Variants in GBP7 observed in about 807,000 individuals in gnomAD.
GBP7 encodes guanylate-binding protein 7.
A neutral mutation model predicts 61.3 loss-of-function variants in GBP7; 43 were observed. The observed-to-expected ratio is 0.70, with a 90% CI of 0.55 to 0.91. The LOEUF (loss-of-function observed/expected upper bound fraction) is 0.91, where lower values mean the gene tolerates loss of function less well. GBP7 is among the 40% of genes least tolerant of loss of function. The pLI, the probability that GBP7 is intolerant of heterozygous loss-of-function variation, is 0.00. For missense variants in GBP7, 717 were observed against 740.5 expected, an observed-to-expected ratio of 0.97 and a Z score of 0.37; for synonymous variants, 267 against 271.0, an observed-to-expected ratio of 0.99 and a Z score of 0.14.
intron 8 of GBP7, among the ~76,000 whole-genome samples, chr1:89,142,402 G>A (rs1488086022): frequency 2.0e-5 from 3 of 152,194 alleles, no homozygotes; most frequent in Non-Finnish European, 2.9e-5. Context: ...GTGTGCCACC[G>A]CAGCTGGCTA....
intron 1 of GBP7, 104 bp from the exon 2 acceptor site, chr1:89,172,058 T>A: frequency 1.2e-6 from 1 of 816,100 alleles, no homozygotes; most frequent in Non-Finnish European, 1.9e-6. Context: ...ACATTGTTTC[T>A]TGTGCATTTC....
intron 2 of GBP7, among the ~76,000 whole-genome samples, chr1:89,168,457 A>C (rs1647503077): frequency 6.6e-6 from 1 of 152,284 alleles, no homozygotes; most frequent in South Asian, 2.1e-4. Context: ...TTTTCCACCC[A>C]TGCTGACTAG....
rs749212809 is a variant in GBP7, at chr1:89,141,643, G to A, written c.1371C>T (p.Asp457=). ...ACTGCAGGAAGCTCTGGAGGACCTC[G>A]TCTGCCTGAAGAACCAAGAAGGAGC... The part of the protein sequence containing the change: ...TLVPRKGVKA[D]EVLQSFLQSQ... The change falls in exon 9 of 11, where the codon GAC becomes GAT. Residue 457 remains aspartate (D), a synonymous_variant. Coordinates refer to ENST00000294671, the MANE Select transcript of GBP7 (RefSeq NM_207398.3). 76 of 1,613,258 alleles carry A rather than the reference G, an allele frequency of 4.7e-5. No homozygotes were observed. The highest frequency in any genetic ancestry group is 4.5e-4 in the South Asian group (41 of 91,052).
chr1:89,163,403 T>A (rs1368064342), intron 3 of GBP7, among the ~76,000 whole-genome samples: 1 of 152,054 alleles, frequency 6.6e-6, no homozygotes, highest in East Asian at 1.9e-4. Flanking sequence ...GGGCTTTTTT[T>A]TTTTTTGGTA....
chr1:89,139,592 T>C (rs1242194156), intron 9 of GBP7, among the ~76,000 whole-genome samples: 2 of 152,038 alleles, frequency 1.3e-5, no homozygotes, highest in Non-Finnish European at 2.9e-5. Flanking sequence ...CTCAAACAAA[T>C]TCACAAGAAA....
chr1:89,159,039 G>A (rs1449176308), intron 3 of GBP7, among the ~76,000 whole-genome samples: 1 of 152,056 alleles, frequency 6.6e-6, no homozygotes, highest in East Asian at 1.9e-4. Context: ...ACAAAACAGA[G>A]CCCTCGGAAA....
intron 8 of GBP7, 47 bp from the exon 9 acceptor site, chr1:89,141,695 T>G: frequency 2.1e-6 from 3 of 1,423,316 alleles, no homozygotes; most frequent in Non-Finnish European, 3.0e-6. Context: ...GCAGAAATCT[T>G]GTCTTGTGAT....
chr1:89,144,159 T>A (rs994471775), intron 8 of GBP7, among the ~76,000 whole-genome samples: 1 of 152,140 alleles, frequency 6.6e-6, no homozygotes, highest in Non-Finnish European at 1.5e-5. Context: ...TTAATTCACT[T>A]AGGATAATGG....
Position 89,152,735 on chromosome 1 carries a change from G to A in GBP7, c.361C>T (p.Leu121Phe), listed in dbSNP as rs1484751715. Residue 121 changes from leucine to phenylalanine, a missense_variant, in exon 4 of 11, where the codon CTT becomes TTT. This residue lies in a region of GBP7 where 387 missense variants were observed against 385.2 expected (regional missense o/e 1.00). Transcript: ENST00000294671. ...SDSWIFALAV[L>F]LSSSFVYNSM... Reference sequence around the variant, plus strand: ...TTGTAGACAAAGCTGCTGCTTAGAAGCACAGCCAGGGCAAAGATCCACGAG... The same window carrying A: ...TTGTAGACAAAGCTGCTGCTTAGAAACACAGCCAGGGCAAAGATCCACGAG... 4 of 1,610,784 alleles carry A rather than the reference G, an allele frequency of 2.5e-6. No individual in the cohort carries two copies. The highest frequency in any genetic ancestry group is 3.4e-6 in the Non-Finnish European group (4 of 1,179,606).
Position 89,132,350 on chromosome 1 carries a change from A to G in GBP7, c.1716T>C (p.Asn572=), listed in dbSNP as rs773661892. 5 of 1,612,584 alleles carry G rather than the reference A, an allele frequency of 3.1e-6. No homozygotes were observed. In the East Asian group the frequency reaches 8.9e-5, roughly 29 times the overall value. ...EGFKEIFESL[N]EEINRLKEQI... ...GTTCTTTCAGTCGATTAATCTCTTC[A>G]TTTAACGACTCAAATATCTCTTTAA... Residue 572 remains asparagine, a synonymous_variant, in exon 11 of 11, where the codon AAT becomes AAC. Transcript: ENST00000294671.
In GBP7 at chr1:89,149,311, T is replaced by C. The variant is rs1401787978; in HGVS notation, c.1133A>G (p.Glu378Gly). 3 of 1,601,718 alleles carry C rather than the reference T, an allele frequency of 1.9e-6. No individual in the cohort carries two copies. In the South Asian group the frequency reaches 3.4e-5, roughly 18 times the overall value. The change falls in exon 7 of 11, where the codon GAA (glutamate) becomes GGA (glycine). Residue 378 changes from glutamate (E) to glycine (G), a missense_variant. Physicochemically the swap from Glu to Gly is moderately conservative, Grantham distance 98 (BLOSUM62 -2). This residue lies in a region of GBP7 where 312 missense variants were observed against 310.1 expected (regional missense o/e 1.01). Transcript: ENST00000294671. The stretch of plus-strand genomic sequence containing the variant: ...GATTACCACAAGCTTCTTCTGAAAT[T>C]CCTGGCTTTTATCTTTGAAGGAGTA... ...MEYSFKDKSQEFQKKLVDTME... is the reference protein window; with the variant it reads ...MEYSFKDKSQGFQKKLVDTME...
intron 9 of GBP7, among the ~76,000 whole-genome samples, chr1:89,139,737 A>G (rs1681889084): frequency 6.6e-6 from 1 of 152,256 alleles, no homozygotes; most frequent in Non-Finnish European, 1.5e-5. Context: ...CAAAACCACA[A>G]TGAGATACCA....
intron 2 of GBP7, among the ~76,000 whole-genome samples, chr1:89,168,493 AG>A (rs1647503917): frequency 6.6e-6 from 1 of 152,230 alleles, no homozygotes; most frequent in Non-Finnish European, 1.5e-5. Context: ...CGCAAACAAA[AG>A]AAAGGTAAAT....
intron 3 of GBP7, among the ~76,000 whole-genome samples, chr1:89,160,398 T>G (rs527242995): frequency 2.6e-5 from 4 of 152,202 alleles, no homozygotes; most frequent in Non-Finnish European, 5.9e-5. Context: ...ATGTGAAGAT[T>G]TTAAAATTTC....
intron 1 of GBP7, 118 bp from the exon 2 acceptor site, chr1:89,172,072 G>A: frequency 1.4e-6 from 1 of 700,760 alleles, no homozygotes; most frequent in Non-Finnish European, 2.4e-6. Context: ...GCATTTCTAA[G>A]GAGACCTGTG....
At chr1:89,167,984 T>A (rs1647489782) in intron 2 of GBP7, among the ~76,000 whole-genome samples, 1 of 152,228 alleles carries the variant, frequency 6.6e-6, no homozygotes, top group Non-Finnish European at 1.5e-5. Context: ...GTCCATCTCA[T>A]GCACACTTCT....
At chr1:89,133,982 A>G (rs958356589) in intron 9 of GBP7, among the ~76,000 whole-genome samples, 2 of 152,130 alleles carry the variant, frequency 1.3e-5, no homozygotes, top group African/African-American at 4.8e-5. Flanking sequence ...TTTGTCGACT[A>G]TTGGTCCTGG....
intron 3 of GBP7, among the ~76,000 whole-genome samples, chr1:89,158,715 A>C (rs1682369274): frequency 6.6e-6 from 1 of 152,252 alleles, no homozygotes; most frequent in South Asian, 2.1e-4. Context: ...AAAAGAGGAC[A>C]CAAACAAATG....
At chr1:89,150,204 A>C in intron 6 of GBP7, 126 bp downstream of exon 6, 1 of 860,084 alleles carries the variant, frequency 1.2e-6, no homozygotes, top group Non-Finnish European at 1.8e-6. Context: ...AAAATCCTTC[A>C]CTTATCCCAC....
Sources: gnomAD v4.1 joint callset for allele counts (sites outside exome capture counted in the v4.1 genomes callset) on GRCh38, gnomAD v4.1.1 for gene constraint, gnomAD v4.1.1 regional missense constraint, MANE v1.5 for transcripts, NCBI Gene and HGNC (gene_info 2026-07-23, HGNC 2026-07-21) for gene names.